The following ZCCHC2 variants were observed in gnomAD, a reference collection of about 807,000 sequenced individuals.
ZCCHC2 encodes the protein zinc finger CCHC domain-containing protein 2.
ZCCHC2 carries 39 observed loss-of-function variants against 103.6 expected under a neutral mutation model. The observed-to-expected ratio is 0.38, with a 90% CI of 0.29 to 0.49. The LOEUF (loss-of-function observed/expected upper bound fraction) is 0.49, where lower values mean the gene tolerates loss of function less well. ZCCHC2 is among the 20% of genes least tolerant of loss of function. The pLI, the probability that ZCCHC2 is intolerant of heterozygous loss-of-function variation, is 0.96. For synonymous variants in ZCCHC2, 687 were observed against 608.9 expected, an observed-to-expected ratio of 1.13 and a Z score of -1.89; for missense variants, 1,483 against 1,491.0, an observed-to-expected ratio of 0.99 and a Z score of 0.09.
At chr18:62,575,643 G>T in intron 13 of ZCCHC2, 93 bp downstream of exon 13, 1 of 1,430,792 alleles carries the variant, frequency 7.0e-7, no homozygotes, top group African/African-American at 1.4e-5. Context: ...GTAGCAGAAA[G>T]ATCTGTTTGT....
chr18:62,533,613 A>G (rs996658094), intron 1 of ZCCHC2, among the ~76,000 whole-genome samples: 3 of 143,514 alleles, frequency 2.1e-5, no homozygotes, highest in Non-Finnish European at 4.6e-5. Context: ...AAGCCTGTAA[A>G]CCCAGCACTT....
intron 1 of ZCCHC2, chr18:62,524,730 C>G (rs1515682): frequency 0.98 from 222,014 of 227,202 alleles, 108,509 homozygotes; most frequent in East Asian, 1. Context: ...CGGGAGCCGC[C>G]GGGCGCTGGA....
chr18:62,556,211 T>C lies in ZCCHC2; in HGVS notation c.1322T>C (p.Phe441Ser), dbSNP rs1361907080. Reference protein sequence around the residue: ...PDLEPILRQLFSSSSQAFLQS... With the variant: ...PDLEPILRQLSSSSSQAFLQS... ...TTTCTTTTTATGTGCAGGCAGCTAT[T>C]TTCAAGTTCATCACAAGCTTTTCTA... Residue 441 changes from phenylalanine to serine, a missense_variant, in exon 6 of 14, where the codon TTT becomes TCT. This residue lies in a region of ZCCHC2 where 884 missense variants were observed against 907.5 expected (regional missense o/e 0.97). Transcript: ENST00000269499. 1 of 1,599,186 alleles carries C rather than the reference T, an allele frequency of 6.3e-7. No homozygotes were observed. Among genetic ancestry groups the C allele is most frequent in the Non-Finnish European group, 8.5e-7 (1 of 1,172,344 alleles).
chr18:62,575,248 A>G lies in ZCCHC2; in HGVS notation c.3167A>G (p.Asn1056Ser), dbSNP rs1368480361. Reference sequence around the variant, plus strand: ...TTCTTTACTCTGCCATCCATTTGCAATGGCAGCTACCTCAACCAAGCACAT... The same window carrying G: ...TTCTTTACTCTGCCATCCATTTGCAGTGGCAGCTACCTCAACCAAGCACAT... ...PSFFTLPSICNGSYLNQAHQS... is the reference protein window; with the variant it reads ...PSFFTLPSICSGSYLNQAHQS... Residue 1056 changes from asparagine to serine, a missense_variant, in exon 13 of 14, where the codon AAT becomes AGT. Asn to Ser is a conservative substitution (Grantham distance 46). Around this residue, in one of 3 missense-constraint regions of ZCCHC2, gnomAD observed 884 missense variants for 907.5 expected, o/e 0.97. Transcript: ENST00000269499. 3 of 1,613,998 alleles carry G rather than the reference A, an allele frequency of 1.9e-6. No homozygotes were observed. Among genetic ancestry groups the G allele is most frequent in the East Asian group, 4.5e-5 (2 of 44,876 alleles).
At chr18:62,543,496 C>A (rs1456686743) in intron 3 of ZCCHC2, among the ~76,000 whole-genome samples, 1 of 152,168 alleles carries the variant, frequency 6.6e-6, no homozygotes, top group Non-Finnish European at 1.5e-5. Context: ...CTCCTGGTGT[C>A]TTACTGCGGC....
intron 5 of ZCCHC2, among the ~76,000 whole-genome samples, chr18:62,551,004 A>C (rs1395291964): frequency 6.6e-6 from 1 of 152,212 alleles, no homozygotes; most frequent in Non-Finnish European, 1.5e-5. Context: ...GTGCTCACAG[A>C]GGAAGAAATT....
intron 11 of ZCCHC2, among the ~76,000 whole-genome samples, chr18:62,568,879 G>A (rs73963454): frequency 0.013 from 1,972 of 152,282 alleles, 46 homozygotes; most frequent in African/African-American, 0.045. Context: ...ACTATGGCCC[G>A]TTAGCTTGTC....
chr18:62,576,029 T>A (rs1598969104), intron 13 of ZCCHC2, among the ~76,000 whole-genome samples: 2 of 147,992 alleles, frequency 1.4e-5, no homozygotes, highest in South Asian at 2.1e-4. Flanking sequence ...CAGCAAATGT[T>A]AAAAAAAAAA....
Position 62,524,273 on chromosome 18 carries a change from C to G in ZCCHC2, c.849C>G (p.His283Gln). The change falls in exon 1 of 14, where the codon CAC becomes CAG. Residue 283 changes from histidine to glutamine, a missense_variant. Coordinates refer to ENST00000269499, the MANE Select transcript of ZCCHC2 (RefSeq NM_017742.6). ...SFHQRVTLREHLERLRAALRG... is the reference protein window; with the variant it reads ...SFHQRVTLREQLERLRAALRG... Reference sequence around the variant, plus strand: ...ACCAGCGGGTCACCCTGAGGGAACACTTGGAGAGGCTCCGCGCCGCGCTCC... The same window carrying G: ...ACCAGCGGGTCACCCTGAGGGAACAGTTGGAGAGGCTCCGCGCCGCGCTCC... 1.3e-6 allele frequency: 2 copies of G among 1,549,584 alleles called. No individual in the cohort carries two copies. Among genetic ancestry groups the G allele is most frequent in the Non-Finnish European group, 1.7e-6 (2 of 1,146,572 alleles).
At position 62,523,420 on chromosome 18, in the gene ZCCHC2, C is replaced by T; in HGVS notation, c.-5C>T. 9.3e-7 allele frequency: 1 copy of T among 1,075,822 alleles called. No individual in the cohort carries two copies. The allele number at this position is 1,075,822 out of a possible 1,614,324, so 66.6% of individuals were successfully genotyped here. ...GCTCGCATGTCTGCGCCGCCCTAGCCGAGGATGCTGAGGATGAAGCTGCCG... is the reference window on the plus strand; with the variant it reads ...GCTCGCATGTCTGCGCCGCCCTAGCTGAGGATGCTGAGGATGAAGCTGCCG... On this transcript the variant is annotated 5_prime_UTR_variant, in exon 1 of 14. Transcript: ENST00000269499.
At chr18:62,530,320 T>C (rs1011987539) in intron 1 of ZCCHC2, among the ~76,000 whole-genome samples, 1 of 152,208 alleles carries the variant, frequency 6.6e-6, no homozygotes, top group Non-Finnish European at 1.5e-5. Flanking sequence ...CTTAAATCCC[T>C]GAGTCTTACC....
rs772672727 is a variant in ZCCHC2, at chr18:62,563,022, A to G, written c.1564A>G (p.Ser522Gly). ...KSPIVNNIGT[S>G]CSPLDGLTMQ... is the part of the protein sequence containing the mutation. ...TTTCTTTGGTAGCAATATTGGTACAAGTTGTTCTCCATTGGATGGGCTTAC... is the reference window on the plus strand; with the variant it reads ...TTTCTTTGGTAGCAATATTGGTACAGGTTGTTCTCCATTGGATGGGCTTAC... Residue 522 changes from serine (S) to glycine (G), a missense_variant, in exon 9 of 14, where the codon AGT (serine) becomes GGT (glycine). By Grantham distance (56) the Ser-to-Gly change is moderately conservative. Transcript: ENST00000269499. 1 of 1,611,022 alleles carries G rather than the reference A, an allele frequency of 6.2e-7. No individual in the cohort carries two copies. The highest frequency in any genetic ancestry group is 8.5e-7 in the Non-Finnish European group (1 of 1,177,494).
intron 12 of ZCCHC2, 93 bp from the exon 13 acceptor site, chr18:62,573,964 T>C (rs12965012): frequency 0.2 from 262,350 of 1,311,596 alleles, 29,403 homozygotes; most frequent in Non-Finnish European, 0.23. Flanking sequence ...TTTCCAAACT[T>C]GAGTTACTTT....
chr18:62,574,350 G>A lies in ZCCHC2; in HGVS notation c.2269G>A (p.Ala757Thr), dbSNP rs1916717305. The A allele has an allele frequency of 1.9e-6, 3 of 1,613,884 alleles. No homozygotes were observed. Among genetic ancestry groups the A allele is most frequent in the Non-Finnish European group, 2.5e-6 (3 of 1,179,904 alleles). Residue 757 changes from alanine to threonine, a missense_variant, in exon 13 of 14, where the codon GCT (alanine) becomes ACT (threonine). Ala to Thr is a moderately conservative substitution (Grantham distance 58, BLOSUM62 0). This residue lies in a region of ZCCHC2 where 884 missense variants were observed against 907.5 expected (regional missense o/e 0.97). Transcript: ENST00000269499. The stretch of plus-strand genomic sequence containing the variant: ...AGGGATGCTTGTTCCTAGTCCTGTT[G>A]CTATTTCTGCAATAAGGGAGTCTGC... ...TIGMLVPSPV[A>T]ISAIRESANS... is the part of the protein sequence containing the mutation.
At chr18:62,573,157 C>G (rs1916657522) in intron 12 of ZCCHC2, among the ~76,000 whole-genome samples, 1 of 151,976 alleles carries the variant, frequency 6.6e-6, no homozygotes, top group Non-Finnish European at 1.5e-5. Flanking sequence ...TTTTAAGTAC[C>G]TAGTACAATT....
At chr18:62,573,233 A>G (rs1277160092) in intron 12 of ZCCHC2, among the ~76,000 whole-genome samples, 1 of 152,210 alleles carries the variant, frequency 6.6e-6, no homozygotes, top group Non-Finnish European at 1.5e-5. Flanking sequence ...TGGTCTGTGT[A>G]TACATCAACA....
intron 9 of ZCCHC2, 137 bp downstream of exon 9, chr18:62,563,281 A>G: frequency 6.7e-6 from 7 of 1,037,910 alleles, no homozygotes; most frequent in Non-Finnish European, 8.2e-6. Context: ...TAGACTTTAT[A>G]CTTATATATG....
At chr18:62,573,284 T>C (rs1916662333) in intron 12 of ZCCHC2, among the ~76,000 whole-genome samples, 1 of 152,146 alleles carries the variant, frequency 6.6e-6, no homozygotes, top group Admixed American at 6.5e-5. Context: ...GTGAATCAGA[T>C]TTTATCCTTG....
chr18:62,583,536 T>C (rs1038772406), downstream of ZCCHC2, among the ~76,000 whole-genome samples: 23 of 152,312 alleles, frequency 1.5e-4, no homozygotes, highest in Admixed American at 5.9e-4. Context: ...TTGGAAGACA[T>C]CTTTTTCACT....
Sources: allele counts gnomAD v4.1 joint callset (sites outside exome capture counted in the v4.1 genomes callset), GRCh38; gene constraint gnomAD v4.1.1; regional missense constraint gnomAD v4.1.1; transcripts MANE v1.5; gene names NCBI Gene and HGNC (gene_info 2026-07-23, HGNC 2026-07-21).